SPAG16: variants seen among roughly 807,000 people sequenced by gnomAD.
The protein encoded by SPAG16 is sperm-associated antigen 16 protein.
In SPAG16, 86 loss-of-function variants were observed where a neutral mutation model predicts 80.4. That is an observed-to-expected ratio of 1.07 (90% CI 0.90 to 1.28). SPAG16 has a LOEUF of 1.28. SPAG16 is among the 50% of genes most tolerant of loss of function. SPAG16 has a pLI of 0.00. For synonymous variants in SPAG16, 294 were observed against 265.9 expected (o/e 1.11, Z -1.03); for missense variants, 870 against 765.3 (o/e 1.14, Z -1.61).
chr2:214,248,496 T>C (rs1350498157), intron 15 of SPAG16, among the ~76,000 whole-genome samples: 1 of 151,910 alleles, frequency 6.6e-6, no homozygotes, highest in African/African-American at 2.4e-5. Flanking sequence ...TTTTGTATTT[T>C]TTAGTAGAGA....
At chr2:213,626,186 A>G (rs1195315067) in intron 10 of SPAG16, among the ~76,000 whole-genome samples, 7 of 152,176 alleles carry the variant, frequency 4.6e-5, no homozygotes, top group Admixed American at 3.3e-4. Context: ...GAAAAATCAG[A>G]AACCAGAAGA....
intron 10 of SPAG16, among the ~76,000 whole-genome samples, chr2:213,594,064 C>T (rs950780587): frequency 3.3e-5 from 5 of 151,940 alleles, no homozygotes; most frequent in Non-Finnish European, 7.4e-5. Flanking sequence ...CGTGAGCCAC[C>T]GCGCCCGGCC....
intron 10 of SPAG16, among the ~76,000 whole-genome samples, chr2:213,710,306 T>C (rs1257605259): frequency 6.6e-6 from 1 of 151,048 alleles, no homozygotes; most frequent in Non-Finnish European, 1.5e-5. Flanking sequence ...AAAGAAGTTA[T>C]AGGAAATGAC....
At chr2:214,154,065 T>C (rs2056104239) in intron 15 of SPAG16, among the ~76,000 whole-genome samples, 1 of 152,140 alleles carries the variant, frequency 6.6e-6, no homozygotes, top group Non-Finnish European at 1.5e-5. Context: ...TTGTGAACAT[T>C]CACTACCTAA....
At chr2:213,788,730 G>T (rs1177827815) in intron 10 of SPAG16, among the ~76,000 whole-genome samples, 1 of 151,776 alleles carries the variant, frequency 6.6e-6, no homozygotes, top group Non-Finnish European at 1.5e-5. Flanking sequence ...TTCAAATATT[G>T]CCTAGAATAT....
chr2:214,096,126 C>G (rs2052572113), intron 13 of SPAG16, among the ~76,000 whole-genome samples: 1 of 151,876 alleles, frequency 6.6e-6, no homozygotes, highest in South Asian at 2.1e-4. Flanking sequence ...TTTGGCTTAT[C>G]AGGGGCAAGT....
At chr2:214,316,588 C>T (rs1695711956) in intron 15 of SPAG16, among the ~76,000 whole-genome samples, 1 of 152,138 alleles carries the variant, frequency 6.6e-6, no homozygotes, top group South Asian at 2.1e-4. Context: ...TCCCTATACC[C>T]ACCTTTTCAG....
intron 10 of SPAG16, among the ~76,000 whole-genome samples, chr2:213,805,927 T>C (rs2071739296): frequency 6.6e-6 from 1 of 152,240 alleles, no homozygotes; most frequent in African/African-American, 2.4e-5. Context: ...CCAGGTTGTA[T>C]AGTAAAACGT....
At chr2:213,956,967 T>A (rs1252296989) in intron 12 of SPAG16, among the ~76,000 whole-genome samples, 1 of 152,210 alleles carries the variant, frequency 6.6e-6, no homozygotes, top group African/African-American at 2.4e-5. Context: ...GTTATTAATT[T>A]CTAACTTCAT....
intron 9 of SPAG16, among the ~76,000 whole-genome samples, chr2:213,397,770 G>A (rs1434432758): frequency 6.6e-6 from 1 of 152,076 alleles, no homozygotes; most frequent in Non-Finnish European, 1.5e-5. Context: ...GGTGTTTCAA[G>A]GCTCAGTTCT....
intron 15 of SPAG16, among the ~76,000 whole-genome samples, chr2:214,407,453 T>C (rs1212006042): frequency 6.6e-6 from 1 of 152,136 alleles, no homozygotes; most frequent in East Asian, 1.9e-4. Flanking sequence ...CATGACGCTA[T>C]TTAAAATTGT....
intron 13 of SPAG16, among the ~76,000 whole-genome samples, chr2:214,034,850 G>T (rs1443462084): frequency 6.6e-6 from 1 of 152,196 alleles, no homozygotes; most frequent in African/African-American, 2.4e-5. Flanking sequence ...CCTGCAACAT[G>T]GCAAGCAAGG....
chr2:213,600,492 C>G, intron 10 of SPAG16, among the ~76,000 whole-genome samples: 1 of 152,094 alleles, frequency 6.6e-6, no homozygotes, highest in East Asian at 1.9e-4. Flanking sequence ...CTTCTATGTT[C>G]CTAGTATTGT....
intron 11 of SPAG16, among the ~76,000 whole-genome samples, chr2:213,928,127 C>G (rs2078573305): frequency 6.6e-6 from 1 of 152,118 alleles, no homozygotes; most frequent in East Asian, 1.9e-4. Context: ...TCGCAGTCCC[C>G]CAGGCTGGAG....
intron 10 of SPAG16, among the ~76,000 whole-genome samples, chr2:213,832,668 T>G (rs1451503242): frequency 6.6e-6 from 1 of 152,148 alleles, no homozygotes; most frequent in Non-Finnish European, 1.5e-5. Flanking sequence ...CAGTCCTTGC[T>G]AGGTTTTCCC....
chr2:214,258,489 A>C (rs1690882213), intron 15 of SPAG16, among the ~76,000 whole-genome samples: 1 of 148,014 alleles, frequency 6.8e-6, no homozygotes, highest in African/African-American at 2.5e-5. Context: ...ATATATATAT[A>C]TACACACACA....
chr2:214,111,562 C>G (rs976675834), intron 14 of SPAG16, among the ~76,000 whole-genome samples: 1 of 152,070 alleles, frequency 6.6e-6, no homozygotes, highest in Non-Finnish European at 1.5e-5. Context: ...AGTCAGGTAG[C>G]GTGATGCCTC....
chr2:213,290,782 A>G (rs2062236848), intron 1 of SPAG16, among the ~76,000 whole-genome samples: 1 of 152,234 alleles, frequency 6.6e-6, no homozygotes, highest in African/African-American at 2.4e-5. Context: ...ACCAGAGTGT[A>G]CAGAGTTTTA....
rs1040701816 is a variant in SPAG16 at position 214,054,023 on chromosome 2, C to G, written c.1527+39946C>G. Among the ~76,000 whole-genome samples the G allele has an allele frequency of 2.0e-5, 3 of 152,096 alleles. No homozygotes were observed. In the South Asian group the frequency reaches 6.2e-4, roughly 32 times the overall value. ...CCTTTTTTTTTAAAAACGGAGTCTC[C>G]CTCTTGTTGCCCTGTACGGAGCCTC... On this transcript the variant is annotated intron_variant, in intron 13 of 15. Coordinates refer to ENST00000331683, the MANE Select transcript of SPAG16 (RefSeq NM_024532.5).
Sources: allele counts gnomAD v4.1 joint callset (sites outside exome capture counted in the v4.1 genomes callset), GRCh38; gene constraint gnomAD v4.1.1; transcripts MANE v1.5; gene names NCBI Gene and HGNC (gene_info 2026-07-23, HGNC 2026-07-21).